ARHGEF3: variants seen among roughly 807,000 people sequenced by gnomAD.
ARHGEF3 encodes the protein 59.8 kDA protein.
Under a neutral mutation model 63.2 loss-of-function variants are expected in ARHGEF3, and 28 were observed. The ratio of observed to expected loss-of-function variants is 0.44; its 90% CI spans 0.33 to 0.61. The LOEUF (loss-of-function observed/expected upper bound fraction) is 0.61. Among genes scored for constraint, ARHGEF3 ranks in the 20% least tolerant of loss-of-function variants. The pLI, the probability that ARHGEF3 is intolerant of heterozygous loss-of-function variation, is 0.03. For missense variants in ARHGEF3, 533 were observed against 659.3 expected (o/e 0.81, Z 2.10); for synonymous variants, 266 against 254.2 (o/e 1.05, Z -0.44).
intron 2 of ARHGEF3, among the ~76,000 whole-genome samples, chr3:56,984,476 T>C (rs1701457301): frequency 6.6e-6 from 1 of 152,066 alleles, no homozygotes; most frequent in Non-Finnish European, 1.5e-5. Flanking sequence ...CCCCGCAAAC[T>C]GTGATGTCTG....
chr3:56,962,198 T>C (rs890629310), intron 2 of ARHGEF3, among the ~76,000 whole-genome samples: 3 of 152,308 alleles, frequency 2.0e-5, no homozygotes, highest in Admixed American at 6.5e-5. Context: ...GGCTTCTTGA[T>C]GAAGCTGGTG....
At chr3:56,913,982 T>C (rs2041921828) in intron 3 of ARHGEF3, among the ~76,000 whole-genome samples, 1 of 152,316 alleles carries the variant, frequency 6.6e-6, no homozygotes, top group Non-Finnish European at 1.5e-5. Flanking sequence ...TGCAGCAACC[T>C]GGATGAGACT....
intron 2 of ARHGEF3, among the ~76,000 whole-genome samples, chr3:56,983,001 T>C (rs1029537778): frequency 6.6e-6 from 1 of 152,076 alleles, no homozygotes; most frequent in African/African-American, 2.4e-5. Context: ...ATAAATATCA[T>C]ATGCTCATTA....
At chr3:56,897,614 G>A (rs933099419) in intron 3 of ARHGEF3, among the ~76,000 whole-genome samples, 5 of 150,732 alleles carry the variant, frequency 3.3e-5, no homozygotes, top group African/African-American at 1.2e-4. Flanking sequence ...AGGCTGGAGT[G>A]CAGTGGTGTG....
At chr3:56,822,871 G>T (rs1017102097) in intron 4 of ARHGEF3, among the ~76,000 whole-genome samples, 3 of 138,448 alleles carry the variant, frequency 2.2e-5, no homozygotes, top group South Asian at 2.3e-4. Context: ...AAAAAATCAC[G>T]GTGTATCAGA....
chr3:56,966,335 A>G (rs1700494523), intron 2 of ARHGEF3, among the ~76,000 whole-genome samples: 1 of 152,268 alleles, frequency 6.6e-6, no homozygotes, highest in Non-Finnish European at 1.5e-5. Context: ...GGAAGGGCAC[A>G]GCCCAACTGT....
rs191523509 is a variant in ARHGEF3 at position 56,729,035 on chromosome 3, C to T, written c.*235G>A. On this transcript the variant is annotated 3_prime_UTR_variant, in exon 10 of 10. Transcript: ENST00000296315. ...GTAACTTGTTTGAGTACCTCTCCAT[C>T]CATCCAGACACTTGGGAAATACAAC... 9 of 447,310 alleles carry T rather than the reference C, an allele frequency of 2.0e-5. No individual in the cohort carries two copies. In the East Asian group the frequency reaches 3.2e-4, roughly 16 times the overall value. The allele number at this position is 447,310 out of a possible 1,614,324, so 27.7% of individuals were successfully genotyped here.
In ARHGEF3 at chr3:56,808,870, C is replaced by T. The variant is rs143501961; in HGVS notation, c.193-35054G>A. ...GTAAAGGCCAGGGATGCTGTTAACA[C>T]TTATGATACACAGAACAGCTTCCCA... On this transcript the variant is annotated intron_variant, in intron 4 of 12. Transcript: ENST00000338458. 7.2e-5 allele frequency among the ~76,000 whole-genome samples: 11 copies of T among 152,284 alleles called. No individual in the cohort carries two copies. The East Asian group carries it at 1.9e-3, about 27-fold the overall frequency.
rs536678039 is a variant in ARHGEF3, at chr3:56,909,463, C to A, written c.130-27109G>T. On this transcript the variant is annotated intron_variant, in intron 3 of 12. Coordinates refer to the ARHGEF3 transcript ENST00000338458. ...GATGGTTTCACGGCATGTGGCCTCTCCCTGCTGCCATGCCTCCATCAACTC... is the reference window on the plus strand; with the variant it reads ...GATGGTTTCACGGCATGTGGCCTCTACCTGCTGCCATGCCTCCATCAACTC... Among the ~76,000 whole-genome samples the A allele has an allele frequency of 4.6e-5, 7 of 152,364 alleles. No homozygotes were observed. The East Asian group carries it at 1.4e-3, about 29-fold the overall frequency.
At chr3:56,839,341 AT>A (rs955810414) in intron 4 of ARHGEF3, among the ~76,000 whole-genome samples, 5 of 151,792 alleles carry the variant, frequency 3.3e-5, no homozygotes, top group African/African-American at 1.2e-4. Context: ...GTTTTTTTGA[AT>A]TTTTTTATTT....
intron 4 of ARHGEF3, among the ~76,000 whole-genome samples, chr3:56,867,610 C>T (rs548582752): frequency 2.0e-5 from 3 of 152,114 alleles, no homozygotes; most frequent in South Asian, 4.2e-4. Flanking sequence ...GTAGCCAGGA[C>T]CACAGGCACA....
intron 8 of ARHGEF3, among the ~76,000 whole-genome samples, chr3:56,733,578 G>A (rs1364084746): frequency 6.6e-6 from 1 of 152,034 alleles, no homozygotes; most frequent in Non-Finnish European, 1.5e-5. Context: ...CCAAACCCAT[G>A]AAAAACACTT....
At chr3:57,004,692 C>T (rs900138945) in intron 2 of ARHGEF3, among the ~76,000 whole-genome samples, 1 of 152,310 alleles carries the variant, frequency 6.6e-6, no homozygotes, top group East Asian at 1.9e-4. Context: ...ATGCAGCCGG[C>T]GCAGTGGCTC....
intron 3 of ARHGEF3, among the ~76,000 whole-genome samples, chr3:56,937,510 T>C (rs1698961883): frequency 6.6e-6 from 1 of 152,226 alleles, no homozygotes; most frequent in South Asian, 2.1e-4. Context: ...CTTTTCCATA[T>C]GTTTGAAATT....
chr3:56,859,736 C>T (rs1275576037), intron 4 of ARHGEF3, among the ~76,000 whole-genome samples: 1 of 151,256 alleles, frequency 6.6e-6, no homozygotes, highest in Non-Finnish European at 1.5e-5. Flanking sequence ...ACAGGTTTTG[C>T]CATGTTGGCC....
intron 4 of ARHGEF3, among the ~76,000 whole-genome samples, chr3:56,825,187 G>A (rs532132678): frequency 9.2e-5 from 14 of 152,354 alleles, no homozygotes; most frequent in Admixed American, 2.6e-4. Context: ...ATGATGCAGT[G>A]AAGGCACAGG....
chr3:56,773,825 T>TTA lies in ARHGEF3; in HGVS notation c.97-11_97-10dup. 1 of 1,564,014 alleles carries TTA rather than the reference T, an allele frequency of 6.4e-7. No homozygotes were observed. Among genetic ancestry groups the TTA allele is most frequent in the African/African-American group, 1.4e-5 (1 of 71,100 alleles). On this transcript the variant is annotated splice_polypyrimidine_tract_variant and intron_variant, in intron 1 of 9. Transcript: ENST00000296315. ...CGTTTATTACTAGGCTCCTATAGAG[T>TTA]TAAAAAAAAAAAAAAGTAAAATGTC...
rs766666898 is a variant in ARHGEF3 at position 56,745,255 on chromosome 3, A to C, written c.820T>G (p.Leu274Val). 17 of 1,614,024 alleles carry C rather than the reference A, an allele frequency of 1.1e-5. No individual in the cohort carries two copies. The highest frequency in any genetic ancestry group is 3.3e-4 in the Middle Eastern group (2 of 6,084). The change falls in exon 7 of 10, where the codon TTG (leucine) becomes GTG (valine). Residue 274 changes from leucine (L) to valine (V), a missense_variant. Leu to Val is a conservative substitution (Grantham distance 32, BLOSUM62 1). Transcript: ENST00000296315. ...VKYPLLLREI[L>V]RHTPNDNPDQ... ...GGATTATCATTTGGTGTGTGCCTCA[A>C]GATTTCTCGGAGAAGCAGAGGGTAT...
chr3:56,944,100 A>G (rs542478574), intron 3 of ARHGEF3, among the ~76,000 whole-genome samples: 81 of 152,052 alleles, frequency 5.3e-4, no homozygotes, highest in African/African-American at 1.9e-3. Context: ...TTGAACCCGA[A>G]AGGTGGAGGT....
Sources: gnomAD v4.1 joint callset for allele counts (sites outside exome capture counted in the v4.1 genomes callset) on GRCh38, gnomAD v4.1.1 for gene constraint, MANE v1.5 for transcripts, NCBI Gene and HGNC (gene_info 2026-07-23, HGNC 2026-07-21) for gene names.